The following CCDC148 variants were observed in gnomAD, a reference collection of about 807,000 sequenced individuals.
CCDC148 encodes the protein coiled-coil domain-containing protein 148.
CCDC148 carries 89 observed loss-of-function variants against 85.7 expected under a neutral mutation model. That is an observed-to-expected ratio of 1.04 (90% confidence interval 0.87 to 1.24). The LOEUF is 1.24. CCDC148 is among the 50% of genes most tolerant of loss of function. CCDC148 has a pLI of 0.00. For missense variants in CCDC148, 692 were observed against 671.7 expected (o/e 1.03, Z -0.33); for synonymous variants, 230 against 213.9 (o/e 1.08, Z -0.66).
intron 1 of CCDC148, among the ~76,000 whole-genome samples, chr2:158,395,597 T>C (rs895054593): frequency 6.6e-6 from 1 of 152,100 alleles, no homozygotes; most frequent in Non-Finnish European, 1.5e-5. Flanking sequence ...TTGTTGAAAC[T>C]GAAAGTCATG....
chr2:158,217,674 G>T (rs889186955), intron 11 of CCDC148, among the ~76,000 whole-genome samples: 2 of 151,414 alleles, frequency 1.3e-5, no homozygotes, highest in African/African-American at 4.9e-5. Flanking sequence ...AAAGTGCTGG[G>T]ATTATAGGCA....
chr2:158,340,559 TA>T, intron 4 of CCDC148, 38 bp downstream of exon 4: 1 of 1,472,502 alleles, frequency 6.8e-7, no homozygotes, highest in Non-Finnish European at 9.3e-7. Flanking sequence ...TTCTTCAAAA[TA>T]AAACTCCCCT....
intron 1 of CCDC148, among the ~76,000 whole-genome samples, chr2:158,359,308 T>G (rs1314726072): frequency 6.6e-6 from 1 of 152,144 alleles, no homozygotes; most frequent in Non-Finnish European, 1.5e-5. Flanking sequence ...ATTAAGTAAA[T>G]CATGGATCAC....
At chr2:158,354,936 A>G (rs1235968556) in intron 2 of CCDC148, among the ~76,000 whole-genome samples, 1 of 152,118 alleles carries the variant, frequency 6.6e-6, no homozygotes, top group African/African-American at 2.4e-5. Flanking sequence ...ACGCAAATCA[A>G]TAAATGTAAT....
At chr2:158,186,266 T>A (rs1558965653) in intron 11 of CCDC148, among the ~76,000 whole-genome samples, 1 of 152,076 alleles carries the variant, frequency 6.6e-6, no homozygotes, top group Admixed American at 6.6e-5. Context: ...ATTAACTCCA[T>A]CCCTACTTCA....
chr2:158,310,695 G>A (rs1465352235), intron 8 of CCDC148, among the ~76,000 whole-genome samples: 15 of 149,522 alleles, frequency 1.0e-4, no homozygotes, highest in Admixed American at 3.3e-4. Context: ...GGTGGCGGCC[G>A]GGCAGAGACA....
chr2:158,217,368 G>GTTTATATATATATATATATA (rs1558990175), intron 11 of CCDC148, among the ~76,000 whole-genome samples: 50 of 76,108 alleles, frequency 6.6e-4, no homozygotes, highest in African/African-American at 2.0e-3. Context: ...AATTTTGTGT[G>GTTTATATATATATATATATA]TGTGTGTATA....
chr2:158,245,451 C>A (rs1174314281), intron 10 of CCDC148, among the ~76,000 whole-genome samples: 1 of 152,196 alleles, frequency 6.6e-6, no homozygotes, highest in Non-Finnish European at 1.5e-5. Flanking sequence ...ATGCTCCCCA[C>A]TCCTCAATTG....
chr2:158,309,649 TA>T lies in CCDC148; in HGVS notation c.904-11del. 1.3e-6 allele frequency: 2 copies of T among 1,585,386 alleles called. No individual in the cohort carries two copies. ...ATTTCTCGTGTTCAACCTGAAAAGA[TA>T]ACAGAGGGTGAATACTTATCATTAT... On this transcript the variant is annotated splice_polypyrimidine_tract_variant and intron_variant, in intron 8 of 13. Coordinates refer to ENST00000283233, the MANE Select transcript of CCDC148 (RefSeq NM_138803.4).
rs551729771 is a variant in CCDC148, at chr2:158,309,613, T to C, written c.930A>G (p.Gln310=). The C allele has an allele frequency of 1.9e-6, 3 of 1,613,330 alleles. No individual in the cohort carries two copies. The South Asian group carries it at 3.3e-5, about 18-fold the overall frequency. ...TTTGCTGCTCTATAGCAAAGCGATATTGGTCACAATATTTCTCGTGTTCAA... is the reference window on the plus strand; with the variant it reads ...TTTGCTGCTCTATAGCAAAGCGATACTGGTCACAATATTTCTCGTGTTCAA... ...DLVEHEKYCD[Q]YRFAIEQQNI... is the part of the protein sequence containing the mutation. Residue 310 remains glutamine, a synonymous_variant, in exon 9 of 14, where the codon CAA becomes CAG. Coordinates refer to ENST00000283233, the MANE Select transcript of CCDC148 (RefSeq NM_138803.4).
intron 1 of CCDC148, among the ~76,000 whole-genome samples, chr2:158,432,852 T>A (rs2105333856): frequency 6.6e-6 from 1 of 151,172 alleles, no homozygotes; most frequent in Non-Finnish European, 1.5e-5. Flanking sequence ...GGTGGGCAGA[T>A]CACCTGAGGT....
intron 10 of CCDC148, among the ~76,000 whole-genome samples, chr2:158,227,566 G>T (rs1687614596): frequency 6.6e-6 from 1 of 152,096 alleles, no homozygotes; most frequent in African/African-American, 2.4e-5. Context: ...ATACTACAAG[G>T]CTACAGTAAC....
Position 158,287,399 on chromosome 2 carries a change from C to T in CCDC148, c.1110+22034G>A, listed in dbSNP as rs111678660. ...CCAAAGTCCCATCTGAGACAAGGCA[C>T]GTCCCTTCTACCTATGAGCCTAGAA... On this transcript the variant is annotated intron_variant, in intron 9 of 13. Coordinates refer to ENST00000283233, the MANE Select transcript of CCDC148 (RefSeq NM_138803.4). Among the ~76,000 whole-genome samples, 669 of 152,244 alleles carry T rather than the reference C, an allele frequency of 4.4e-3. 4 individuals are homozygous for T. Among genetic ancestry groups the T allele is most frequent in the African/African-American group, 0.015 (619 of 41,524 alleles).
At chr2:158,346,559 T>A (rs1683005018) in intron 2 of CCDC148, among the ~76,000 whole-genome samples, 1 of 152,202 alleles carries the variant, frequency 6.6e-6, no homozygotes, top group South Asian at 2.1e-4. Context: ...TAAAAACCGC[T>A]CTACTCTAAA....
At chr2:158,415,486 C>A (rs992388726) in intron 1 of CCDC148, among the ~76,000 whole-genome samples, 3 of 152,192 alleles carry the variant, frequency 2.0e-5, no homozygotes, top group African/African-American at 7.2e-5. Context: ...TCCCAAATCT[C>A]ATGTCCTTCT....
chr2:158,224,506 A>G (rs1420533483), intron 10 of CCDC148, among the ~76,000 whole-genome samples: 1 of 152,196 alleles, frequency 6.6e-6, no homozygotes, highest in Non-Finnish European at 1.5e-5. Context: ...TCCAAGACAC[A>G]TAATTGTCAG....
chr2:158,176,889 A>G (rs1174639220), intron 12 of CCDC148, among the ~76,000 whole-genome samples: 1 of 152,162 alleles, frequency 6.6e-6, no homozygotes, highest in African/African-American at 2.4e-5. Flanking sequence ...CTTGGCATAT[A>G]GTTATTTGCT....
chr2:158,353,058 A>C (rs13390139), intron 2 of CCDC148, among the ~76,000 whole-genome samples: 26,776 of 151,448 alleles, frequency 0.18, 3,944 homozygotes, highest in African/African-American at 0.4. Flanking sequence ...GCCTGCCCTA[A>C]AAGAGCTCCT....
chr2:158,259,999 T>G (rs542480174), intron 9 of CCDC148, among the ~76,000 whole-genome samples: 1 of 152,134 alleles, frequency 6.6e-6, no homozygotes, highest in Non-Finnish European at 1.5e-5. Context: ...TAGTGACTTT[T>G]TAACTACCTA....
Sources: allele counts gnomAD v4.1 joint callset (sites outside exome capture counted in the v4.1 genomes callset), GRCh38; gene constraint gnomAD v4.1.1; transcripts MANE v1.5; gene names NCBI Gene and HGNC (gene_info 2026-07-23, HGNC 2026-07-21).